The following ARFGEF2 variants were observed in gnomAD, a reference collection of about 807,000 sequenced individuals.
ARFGEF2 encodes ARF guanine nucleotide exchange factor 2, also known as brefeldin A-inhibited guanine nucleotide-exchange protein 2.
Under a neutral mutation model 219.9 loss-of-function variants are expected in ARFGEF2, and 74 were observed. The observed-to-expected ratio is 0.34, with a 90% CI of 0.28 to 0.41. The LOEUF (loss-of-function observed/expected upper bound fraction) is 0.41. ARFGEF2 is among the 10% of genes least tolerant of loss of function. ARFGEF2 has a pLI of 1.00. For missense variants in ARFGEF2, 1,743 were observed against 2,218.3 expected, an observed-to-expected ratio of 0.79 and a Z score of 4.30; for synonymous variants, 733 against 799.2, an observed-to-expected ratio of 0.92 and a Z score of 1.40.
At chr20:48,988,148 G>A (rs1044307493) in intron 16 of ARFGEF2, among the ~76,000 whole-genome samples, 156 bp from the exon 17 acceptor site, 3 of 152,172 alleles carry the variant, frequency 2.0e-5, no homozygotes, top group Admixed American at 6.5e-5. Context: ...GGGTTGCTAA[G>A]TCTTGTTCAG....
chr20:49,004,019 G>A (rs961493230), intron 25 of ARFGEF2, among the ~76,000 whole-genome samples: 2 of 152,104 alleles, frequency 1.3e-5, no homozygotes, highest in Admixed American at 6.5e-5. Flanking sequence ...AAATTAAATA[G>A]CACCTTGGGA....
Position 48,965,994 on chromosome 20 carries a change from A to C in ARFGEF2, c.1030A>C (p.Arg344=), listed in dbSNP as rs199671906. The C allele has an allele frequency of 9.3e-6, 15 of 1,614,040 alleles. No homozygotes were observed. The highest frequency in any genetic ancestry group is 1.1e-5 in the Non-Finnish European group (13 of 1,179,996). The part of the protein sequence containing the change: ...NSQTNGIADD[R]QSLSSADNLE... Reference sequence around the variant, plus strand: ...ACAGACCAACGGGATAGCCGATGACAGGCAGTCCTTGTCGTCAGCAGATAA... The same window carrying C: ...ACAGACCAACGGGATAGCCGATGACCGGCAGTCCTTGTCGTCAGCAGATAA... Residue 344 remains arginine, a synonymous_variant, in exon 8 of 39, where the codon AGG becomes CGG. Coordinates refer to ENST00000371917, the MANE Select transcript of ARFGEF2 (RefSeq NM_006420.3).
In ARFGEF2 at chr20:48,986,839, A is replaced by G. The variant is rs568012022; in HGVS notation, c.2276+1226A>G. Among the ~76,000 whole-genome samples, 11 of 152,156 alleles carry G rather than the reference A, an allele frequency of 7.2e-5. No individual in the cohort carries two copies. The East Asian group carries it at 2.1e-3, about 29-fold the overall frequency. On this transcript the variant is annotated intron_variant, in intron 16 of 38. Transcript: ENST00000371917. ...CTCAGCCTCCTGAACTGCTGGGACT[A>G]CAGGTGCATGCCACTGTGCCTGGCT...
rs199605635 is a variant in ARFGEF2, at chr20:49,033,108, G to A, written c.5267G>A (p.Arg1756Gln). ...ATCCCTGAGCTCCGAGCAGTTCTGC[G>A]GAAGTTCTTCCTACGGATAGGTGTT... ...DLIPELRAVL[R>Q]KFFLRIGVVY... Residue 1756 changes from arginine to glutamine, a missense_variant, in exon 39 of 39, where the codon CGG (arginine) becomes CAG (glutamine). By Grantham distance (43) the Arg-to-Gln change is conservative. Transcript: ENST00000371917. 1.8e-5 allele frequency: 29 copies of A among 1,613,900 alleles called. No individual in the cohort carries two copies. Among genetic ancestry groups the A allele is most frequent in the African/African-American group, 4.0e-5 (3 of 74,770 alleles).
At chr20:49,006,000 A>T (rs941139429) in intron 26 of ARFGEF2, among the ~76,000 whole-genome samples, 2 of 152,088 alleles carry the variant, frequency 1.3e-5, no homozygotes, top group Non-Finnish European at 2.9e-5. Flanking sequence ...AAGACATTTT[A>T]AAATCCTGTG....
In ARFGEF2 at chr20:48,972,401, C is replaced by A; in HGVS notation, c.1501C>A (p.Gln501Lys). ...SSFEHRWMVIQTLTRICADAQ... is the reference protein window; with the variant it reads ...SSFEHRWMVIKTLTRICADAQ... ...TTTTGAGCACAGGTGGATGGTCATTCAGACTCTGACGAGGATCTGTGCAGG... is the reference window on the plus strand; with the variant it reads ...TTTTGAGCACAGGTGGATGGTCATTAAGACTCTGACGAGGATCTGTGCAGG... The change falls in exon 11 of 39, where the codon CAG (glutamine) becomes AAG (lysine). Residue 501 changes from glutamine to lysine, a missense_variant. By Grantham distance (53) the Gln-to-Lys change is moderately conservative. Transcript: ENST00000371917. 1 of 1,613,996 alleles carries A rather than the reference C, an allele frequency of 6.2e-7. No individual in the cohort carries two copies.
intron 7 of ARFGEF2, among the ~76,000 whole-genome samples, chr20:48,965,283 A>G (rs1244224702): frequency 6.6e-6 from 1 of 152,194 alleles, no homozygotes; most frequent in Non-Finnish European, 1.5e-5. Context: ...ATTATTGAAA[A>G]TTGTTCTCAT....
rs2091209704 is a variant in ARFGEF2 at position 48,969,129 on chromosome 20, G to A, written c.1060-18G>A. 1.2e-6 allele frequency: 2 copies of A among 1,613,378 alleles called. No homozygotes were observed. Among genetic ancestry groups the A allele is most frequent in the Non-Finnish European group, 1.7e-6 (2 of 1,179,768 alleles). On this transcript the variant is annotated intron_variant, in intron 8 of 38. Coordinates refer to ENST00000371917, the MANE Select transcript of ARFGEF2 (RefSeq NM_006420.3). The stretch of plus-strand genomic sequence containing the variant: ...GTGGGTGCCACCACACCCAGCTGAT[G>A]TTTGTTTCTGATCCTAGGAATCGGA...
At chr20:48,996,240 G>A (rs2091386012) in intron 23 of ARFGEF2, among the ~76,000 whole-genome samples, 1 of 151,718 alleles carries the variant, frequency 6.6e-6, no homozygotes, top group South Asian at 2.1e-4. Flanking sequence ...CAGATCACTA[G>A]ATCAGGAAAT....
rs1026771203 is a variant in ARFGEF2, at chr20:49,033,444, A to G, written c.*245A>G. On this transcript the variant is annotated 3_prime_UTR_variant, in exon 39 of 39. Coordinates refer to ENST00000371917, the MANE Select transcript of ARFGEF2 (RefSeq NM_006420.3). ...GAGTCTGCTTCATTTCTATCATTCC[A>G]TTTTTCTGATTAAACTGTCAAATCT... 5.9e-6 allele frequency: 3 copies of G among 505,546 alleles called. No homozygotes were observed. Among genetic ancestry groups the G allele is most frequent in the Non-Finnish European group, 1.1e-5 (3 of 280,178 alleles). 31.3% of individuals were successfully genotyped at this position (505,546 alleles called of 1,614,324 possible).
chr20:49,025,183 T>G, intron 35 of ARFGEF2, 130 bp from the exon 36 acceptor site: 1 of 925,700 alleles, frequency 1.1e-6, no homozygotes, highest in Non-Finnish European at 1.7e-6. Context: ...TTTCAGGGTG[T>G]TGGGGAATAA....
intron 34 of ARFGEF2, among the ~76,000 whole-genome samples, chr20:49,021,715 G>C (rs2091565791): frequency 6.6e-6 from 1 of 151,696 alleles, no homozygotes; most frequent in Admixed American, 6.6e-5. Context: ...CGGGCATGGT[G>C]CCGGGTGCCT....
rs773264259 is a variant in ARFGEF2 at position 48,951,437 on chromosome 20, A to G, written c.391A>G (p.Thr131Ala). ...TTGCAGTTGTTTTCAGGGCCCTCAG[A>G]CTGATGAAGGGGTTCAGTTACAAAT... ...TICSCFQGPQTDEGVQLQIIK... is the reference protein window; with the variant it reads ...TICSCFQGPQADEGVQLQIIK... The change falls in exon 4 of 39, where the codon ACT (threonine) becomes GCT (alanine). Residue 131 changes from threonine (T) to alanine (A), a missense_variant. Physicochemically the swap from Thr to Ala is moderately conservative, Grantham distance 58 (BLOSUM62 0). This residue lies in a region of ARFGEF2 where 394 missense variants were observed against 426.6 expected (regional missense o/e 0.92). Coordinates refer to ENST00000371917, the MANE Select transcript of ARFGEF2 (RefSeq NM_006420.3). The G allele has an allele frequency of 6.2e-7, 1 of 1,614,164 alleles. No homozygotes were observed. Among genetic ancestry groups the G allele is most frequent in the Non-Finnish European group, 8.5e-7 (1 of 1,180,034 alleles).
intron 1 of ARFGEF2, among the ~76,000 whole-genome samples, chr20:48,937,777 G>T (rs557394059): frequency 1.3e-4 from 20 of 152,324 alleles, no homozygotes; most frequent in Non-Finnish European, 2.6e-4. Flanking sequence ...TGCTGCTGCT[G>T]CCAGTCCTGT....
intron 13 of ARFGEF2, 63 bp downstream of exon 13, chr20:48,974,937 C>T: frequency 7.4e-7 from 1 of 1,355,556 alleles, no homozygotes; most frequent in Non-Finnish European, 1.0e-6. Context: ...CTGCTAGGAA[C>T]AGTTGTCTTA....
In ARFGEF2 at chr20:49,034,587, A is replaced by G. The variant is rs945196980; in HGVS notation, c.*1388A>G. ...ATCGCTGAGCGTTAGACAAAGTGTT[A>G]CACAGAATGATTAAAACTTTCAGAC... On this transcript the variant is annotated 3_prime_UTR_variant, in exon 39 of 39. Coordinates refer to ENST00000371917, the MANE Select transcript of ARFGEF2 (RefSeq NM_006420.3). 2 of 152,202 alleles carry G rather than the reference A, an allele frequency of 1.3e-5. No homozygotes were observed. Among genetic ancestry groups the G allele is most frequent in the African/African-American group, 2.4e-5 (1 of 41,434 alleles). 9.4% of individuals were successfully genotyped at this position (152,202 alleles called of 1,614,324 possible). A position where few individuals can be genotyped will look rare whatever the true frequency, so the allele number is the denominator to read the frequency against.
At chr20:48,945,534 T>C (rs2091020117) in intron 3 of ARFGEF2, among the ~76,000 whole-genome samples, 1 of 152,184 alleles carries the variant, frequency 6.6e-6, no homozygotes, top group Non-Finnish European at 1.5e-5. Context: ...ACTGTGAATC[T>C]TGAGTCTTAT....
At chr20:48,926,703 C>T (rs943768723) in intron 1 of ARFGEF2, among the ~76,000 whole-genome samples, 2 of 152,054 alleles carry the variant, frequency 1.3e-5, no homozygotes, top group Admixed American at 6.6e-5. Flanking sequence ...GATGATATCT[C>T]TTCATCAGCA....
At chr20:48,965,395 G>C (rs772182095) in intron 7 of ARFGEF2, among the ~76,000 whole-genome samples, 5 of 152,026 alleles carry the variant, frequency 3.3e-5, no homozygotes, top group Non-Finnish European at 5.9e-5. Context: ...GATGAAATCT[G>C]TGTAATTCTT....
Sources: gnomAD v4.1 joint callset for allele counts (sites outside exome capture counted in the v4.1 genomes callset) on GRCh38, gnomAD v4.1.1 for gene constraint, gnomAD v4.1.1 regional missense constraint, MANE v1.5 for transcripts, NCBI Gene and HGNC (gene_info 2026-07-23, HGNC 2026-07-21) for gene names.